NCOA6: variants seen among roughly 807,000 people sequenced by gnomAD.
NCOA6 encodes nuclear receptor coactivator 6, also known as NRC RAP250.
NCOA6 carries 49 observed loss-of-function variants against 171.4 expected under a neutral mutation model. That is an observed-to-expected ratio of 0.29 (90% CI 0.23 to 0.36). NCOA6 has a LOEUF of 0.36. NCOA6 is among the 10% of genes least tolerant of loss of function. The pLI, the probability that NCOA6 is intolerant of heterozygous loss-of-function variation, is 1.00. For synonymous variants in NCOA6, 910 were observed against 927.5 expected (o/e 0.98, Z 0.34); for missense variants, 2,248 against 2,554.5 (o/e 0.88, Z 2.59).
At chr20:34,807,829 T>C (rs1312033710) in intron 1 of NCOA6, among the ~76,000 whole-genome samples, 1 of 150,370 alleles carries the variant, frequency 6.7e-6, no homozygotes, top group Non-Finnish European at 1.5e-5. Flanking sequence ...CCGGCCTTTT[T>C]TTTTAGTTTT....
intron 2 of NCOA6, among the ~76,000 whole-genome samples, chr20:34,788,750 A>G (rs1460152618): frequency 6.6e-6 from 1 of 152,242 alleles, no homozygotes; most frequent in Non-Finnish European, 1.5e-5. Flanking sequence ...GTTCAAGACC[A>G]GCCTGACCAA....
intron 8 of NCOA6, among the ~76,000 whole-genome samples, chr20:34,751,818 A>G (rs972792483): frequency 2.6e-5 from 4 of 152,138 alleles, no homozygotes; most frequent in African/African-American, 9.7e-5. Flanking sequence ...AGCTACTTGC[A>G]TTATCTCCCC....
At chr20:34,785,860 G>T (rs1285366660) in intron 2 of NCOA6, among the ~76,000 whole-genome samples, 1 of 144,938 alleles carries the variant, frequency 6.9e-6, no homozygotes, top group African/African-American at 2.6e-5. Context: ...CAATACTATG[G>T]GCATTACACA....
Position 34,749,448 on chromosome 20 carries a change from T to G in NCOA6, c.2747A>C (p.Lys916Thr). 6.2e-7 allele frequency: 1 copy of G among 1,613,052 alleles called. No homozygotes were observed. Among genetic ancestry groups the G allele is most frequent in the Non-Finnish European group, 8.5e-7 (1 of 1,179,394 alleles). The part of the protein sequence containing the change: ...QNNTNANKPK[K>T]KKPPRKKKNS... ...TTTCTTCTTCCGAGGGGGTTTCTTC[T>G]TCTTCGGTTTATTTGCGTTGGTATT... The change falls in exon 9 of 15, where the codon AAG becomes ACG. Residue 916 changes from lysine (K) to threonine (T), a missense_variant. Lys to Thr is a moderately conservative substitution (Grantham distance 78). Transcript: ENST00000359003.
chr20:34,727,550 T>C, intron 13 of NCOA6, 143 bp from the exon 14 acceptor site: 2 of 798,052 alleles, frequency 2.5e-6, no homozygotes, highest in Non-Finnish European at 3.9e-6. Flanking sequence ...CAACCTGGGG[T>C]AATAAGCACT....
chr20:34,734,933 C>G (rs1174897797), intron 12 of NCOA6, among the ~76,000 whole-genome samples: 1 of 152,142 alleles, frequency 6.6e-6, no homozygotes, highest in Non-Finnish European at 1.5e-5. Context: ...CAGGTGTGAG[C>G]CACCGCGCCT....
chr20:34,784,695 C>T (rs1337553902), intron 2 of NCOA6, among the ~76,000 whole-genome samples: 1 of 152,042 alleles, frequency 6.6e-6, no homozygotes, highest in East Asian at 1.9e-4. Context: ...GCGGGAGGAT[C>T]CCTCAAACCC....
intron 1 of NCOA6, among the ~76,000 whole-genome samples, chr20:34,810,252 T>C (rs2078607477): frequency 1.3e-5 from 2 of 152,246 alleles, no homozygotes; most frequent in Non-Finnish European, 2.9e-5. Flanking sequence ...CAAGGTTACA[T>C]GATTTGTCCT....
intron 8 of NCOA6, among the ~76,000 whole-genome samples, chr20:34,752,870 C>T (rs538613764): frequency 1.3e-4 from 19 of 149,078 alleles, no homozygotes; most frequent in African/African-American, 3.9e-4. Flanking sequence ...GCCGAGACTG[C>T]GCCACTGCAC....
chr20:34,774,946 A>G (rs1376958492), intron 4 of NCOA6, among the ~76,000 whole-genome samples: 1 of 152,242 alleles, frequency 6.6e-6, no homozygotes, highest in Non-Finnish European at 1.5e-5. Context: ...AACTTTTGTG[A>G]GAGCACATAG....
chr20:34,807,370 C>T (rs978533857), intron 1 of NCOA6, among the ~76,000 whole-genome samples: 2 of 152,174 alleles, frequency 1.3e-5, no homozygotes, highest in Non-Finnish European at 2.9e-5. Context: ...AAACAGAAGA[C>T]CCATCTAGGC....
rs778249006 is a variant in NCOA6, at chr20:34,757,872, C to T, written c.876G>A (p.Gln292=). 2.9e-5 allele frequency: 47 copies of T among 1,613,840 alleles called. No homozygotes were observed. The African/African-American group carries it at 4.3e-4, about 15-fold the overall frequency. The stretch of plus-strand genomic sequence containing the variant: ...CCTGTGGCTGTTGCTGCTGATGTTG[C>T]TGTGGGGGTCTTGCCTGCAACTGTT... ...QQQQLQARPP[Q]QHQQQQPQGI... Residue 292 remains glutamine, a synonymous_variant, in exon 7 of 15, where the codon CAG becomes CAA. Coordinates refer to ENST00000359003, the MANE Select transcript of NCOA6 (RefSeq NM_014071.5).
intron 1 of NCOA6, among the ~76,000 whole-genome samples, chr20:34,800,959 TA>T (rs1430535845): frequency 1.3e-5 from 2 of 152,206 alleles, no homozygotes; most frequent in African/African-American, 4.8e-5. Flanking sequence ...GACCATATGT[TA>T]GGCTACAAAA....
intron 5 of NCOA6, among the ~76,000 whole-genome samples, chr20:34,764,764 C>A (rs532330523): frequency 1.3e-5 from 2 of 151,982 alleles, no homozygotes; most frequent in South Asian, 4.2e-4. Flanking sequence ...GAAACTGGAT[C>A]TGTTTCTGAG....
At chr20:34,821,457 C>T (rs2079005055) in intron 1 of NCOA6, 1 of 152,154 alleles carries the variant, frequency 6.6e-6, no homozygotes, top group African/African-American at 2.4e-5. Flanking sequence ...TCTGCTGACA[C>T]CTCTGATTTC....
At chr20:34,728,025 C>T (rs967258696) in intron 13 of NCOA6, among the ~76,000 whole-genome samples, 2 of 152,086 alleles carry the variant, frequency 1.3e-5, no homozygotes, top group Non-Finnish European at 2.9e-5. Context: ...GCACCAGGCC[C>T]CTCACCCATT....
chr20:34,754,071 TAC>T lies in NCOA6; in HGVS notation c.1675+649_1675+650del, dbSNP rs2076572169. Among the ~76,000 whole-genome samples, 11 of 152,376 alleles carry T rather than the reference TAC, an allele frequency of 7.2e-5. 1 individual carries two copies. Among genetic ancestry groups the T allele is most frequent in the Admixed American group, 7.2e-4 (11 of 15,306 alleles). On this transcript the variant is annotated intron_variant, in intron 8 of 14. Coordinates refer to ENST00000359003, the MANE Select transcript of NCOA6 (RefSeq NM_014071.5). ...TCTCCAAAATTTCTTCTTTTTGCAGTACACTGTTGGTAGTAAACGTGAACTGA... is the reference window on the plus strand; with the variant it reads ...TCTCCAAAATTTCTTCTTTTTGCAGTACTGTTGGTAGTAAACGTGAACTGA...
chr20:34,824,659 G>A (rs1329939368), intron 1 of NCOA6, among the ~76,000 whole-genome samples: 2 of 152,106 alleles, frequency 1.3e-5, no homozygotes, highest in Admixed American at 6.6e-5. Context: ...TGCCTCTTTT[G>A]CTGGCCAGCT....
At chr20:34,723,605 T>G (rs960037817) in intron 14 of NCOA6, among the ~76,000 whole-genome samples, 5 of 152,328 alleles carry the variant, frequency 3.3e-5, no homozygotes, top group Non-Finnish European at 2.9e-5. Context: ...CTAAGCCAAC[T>G]GCTAAGCCTC....
Sources: gnomAD v4.1 joint callset for allele counts (sites outside exome capture counted in the v4.1 genomes callset) on GRCh38, gnomAD v4.1.1 for gene constraint, MANE v1.5 for transcripts, NCBI Gene and HGNC (gene_info 2026-07-23, HGNC 2026-07-21) for gene names.